Variants in DYM observed in about 807,000 individuals in gnomAD.
DYM encodes the protein dyggve-Melchior-Clausen syndrome protein.
A neutral mutation model predicts 93.1 loss-of-function variants in DYM; 78 were observed. The observed-to-expected ratio is 0.84, with a 90% CI of 0.70 to 1.01. The LOEUF (loss-of-function observed/expected upper bound fraction) is 1.01. DYM is among the 50% of genes least tolerant of loss of function. The pLI is 0.00. For synonymous variants in DYM, 321 were observed against 319.7 expected, an observed-to-expected ratio of 1.00 and a Z score of -0.04; for missense variants, 789 against 845.0, an observed-to-expected ratio of 0.93 and a Z score of 0.82.
At chr18:49,219,929 A>C (rs1343587623) in intron 13 of DYM, among the ~76,000 whole-genome samples, 11 of 146,086 alleles carry the variant, frequency 7.5e-5, no homozygotes, top group Non-Finnish European at 1.2e-4. Flanking sequence ...GAAGGAAATA[A>C]AGGGTATTCA....
At position 49,281,868 on chromosome 18, in the gene DYM, G is replaced by A. The variant is rs144446446; in HGVS notation, c.1125+129C>T. 1.8e-3 allele frequency: 1,531 copies of A among 847,546 alleles called. 16 individuals are homozygous for A. The African/African-American group carries it at 0.021, about 12-fold the overall frequency. 52.5% of individuals were successfully genotyped at this position (847,546 alleles called of 1,614,324 possible). ...ACCTAATGTTAAATGACGAGTTCCTGGGTGCAGCACACCAACATGGCACAT... is the reference window on the plus strand; with the variant it reads ...ACCTAATGTTAAATGACGAGTTCCTAGGTGCAGCACACCAACATGGCACAT... On this transcript the variant is annotated intron_variant, in intron 10 of 17. Transcript: ENST00000675505.
intron 14 of DYM, among the ~76,000 whole-genome samples, chr18:49,179,993 A>C (rs1292666898): frequency 6.6e-6 from 1 of 152,130 alleles, no homozygotes; most frequent in Non-Finnish European, 1.5e-5. Context: ...CCTAGACTAT[A>C]AATGTTAGTA....
intron 11 of DYM, among the ~76,000 whole-genome samples, chr18:49,258,805 C>CAGAGAG (rs1568119773): frequency 2.2e-5 from 3 of 134,878 alleles, no homozygotes; most frequent in South Asian, 2.7e-4. Flanking sequence ...CACACACACA[C>CAGAGAG]ACACACACAC....
Position 49,281,978 on chromosome 18 carries a change from T to C in DYM, c.1125+19A>G, listed in dbSNP as rs929723900. On this transcript the variant is annotated intron_variant, in intron 10 of 17. Coordinates refer to ENST00000675505, the MANE Select transcript of DYM (RefSeq NM_001353214.3). ...TAAAAAAAAATACAAACGCATGGAA[T>C]GTTTAGTATGATACTTACAAGATTT... 5.6e-6 allele frequency: 9 copies of C among 1,606,746 alleles called. No homozygotes were observed. The highest frequency in any genetic ancestry group is 7.7e-6 in the Non-Finnish European group (9 of 1,175,946).
intron 15 of DYM, among the ~76,000 whole-genome samples, chr18:49,157,516 G>T (rs2086603042): frequency 6.6e-6 from 1 of 152,140 alleles, no homozygotes; most frequent in Admixed American, 6.6e-5. Context: ...GTACAGAAAA[G>T]GTAATTGAGG....
intron 13 of DYM, among the ~76,000 whole-genome samples, chr18:49,254,514 T>C (rs7229796): frequency 0.029 from 4,391 of 152,204 alleles, 215 homozygotes; most frequent in African/African-American, 0.098. Flanking sequence ...ACAATCTAAA[T>C]GCTCTCAAAT....
chr18:49,170,226 C>G (rs2088487366), intron 14 of DYM, among the ~76,000 whole-genome samples: 1 of 152,072 alleles, frequency 6.6e-6, no homozygotes, highest in Non-Finnish European at 1.5e-5. Context: ...GAGTAATTTG[C>G]CCAGGCACAC....
At chr18:49,310,965 A>G (rs1471525089) in intron 8 of DYM, among the ~76,000 whole-genome samples, 2 of 152,234 alleles carry the variant, frequency 1.3e-5, no homozygotes, top group East Asian at 3.8e-4. Flanking sequence ...AAATATTAGC[A>G]TTTCAATGCA....
At chr18:49,100,709 G>A (rs1002082885) in intron 16 of DYM, among the ~76,000 whole-genome samples, 20 of 152,190 alleles carry the variant, frequency 1.3e-4, no homozygotes, top group African/African-American at 4.8e-4. Context: ...ATCATGGACT[G>A]TGTGCTGTAC....
rs541062354 is a variant in DYM at position 49,069,163 on chromosome 18, G to A, written c.2026-24959C>T. On this transcript the variant is annotated intron_variant, in intron 17 of 17. Transcript: ENST00000675505. Reference sequence around the variant, plus strand: ...AATTAGACAACTTAGTCTTGACAGAGATACTAACGTGTTCATGGAAAATAG... The same window carrying A: ...AATTAGACAACTTAGTCTTGACAGAAATACTAACGTGTTCATGGAAAATAG... 2.0e-5 allele frequency among the ~76,000 whole-genome samples: 3 copies of A among 152,300 alleles called. No individual in the cohort carries two copies. In the South Asian group the frequency reaches 6.2e-4, roughly 32 times the overall value.
chr18:49,290,889 G>A (rs1448673001), intron 8 of DYM, among the ~76,000 whole-genome samples: 1 of 151,922 alleles, frequency 6.6e-6, no homozygotes, highest in East Asian at 1.9e-4. Flanking sequence ...AGCATAATAA[G>A]CAATTAAAAA....
intron 13 of DYM, among the ~76,000 whole-genome samples, chr18:49,255,242 A>G (rs2094366878): frequency 4.6e-5 from 7 of 152,190 alleles, no homozygotes; most frequent in Admixed American, 4.6e-4. Flanking sequence ...AATGACTGCT[A>G]AACAAAACTG....
chr18:49,216,565 G>A (rs2093057925), intron 13 of DYM, among the ~76,000 whole-genome samples: 1 of 152,202 alleles, frequency 6.6e-6, no homozygotes, highest in Non-Finnish European at 1.5e-5. Flanking sequence ...ACTTCCAGAG[G>A]AACGATCAGA....
At chr18:49,194,593 A>T (rs765260673) in intron 14 of DYM, among the ~76,000 whole-genome samples, 11 of 152,118 alleles carry the variant, frequency 7.2e-5, no homozygotes, top group Non-Finnish European at 1.3e-4. Flanking sequence ...TCACTGACTT[A>T]ATTTCTTCCA....
chr18:49,335,076 C>T (rs1245352004), intron 6 of DYM, among the ~76,000 whole-genome samples: 2 of 152,052 alleles, frequency 1.3e-5, no homozygotes, highest in Non-Finnish European at 2.9e-5. Context: ...CATTGCACTC[C>T]AGCCTTGGCG....
At chr18:49,453,933 T>C (rs540000760) in intron 1 of DYM, among the ~76,000 whole-genome samples, 1 of 152,314 alleles carries the variant, frequency 6.6e-6, no homozygotes, top group Admixed American at 6.5e-5. Context: ...CCAAATCCAA[T>C]GCCACTTATC....
chr18:49,190,647 A>C (rs1342007305), intron 14 of DYM, among the ~76,000 whole-genome samples: 1 of 152,200 alleles, frequency 6.6e-6, no homozygotes, highest in Non-Finnish European at 1.5e-5. Flanking sequence ...GAACATTTTT[A>C]AGTCTCTGTA....
At chr18:49,131,341 T>C (rs1460180383) in intron 15 of DYM, among the ~76,000 whole-genome samples, 1 of 114,860 alleles carries the variant, frequency 8.7e-6, no homozygotes, top group African/African-American at 2.6e-5. Flanking sequence ...CTCTTCTTTG[T>C]TTTTTGAGGC....
intron 17 of DYM, among the ~76,000 whole-genome samples, chr18:49,090,669 C>T (rs1246524486): frequency 6.6e-6 from 1 of 152,122 alleles, no homozygotes. Context: ...ATTGGACTCT[C>T]ATAGAGCCTG....
Sources: gnomAD v4.1 joint callset for allele counts (sites outside exome capture counted in the v4.1 genomes callset) on GRCh38, gnomAD v4.1.1 for gene constraint, MANE v1.5 for transcripts, NCBI Gene and HGNC (gene_info 2026-07-23, HGNC 2026-07-21) for gene names.